VCP: variants seen among roughly 807,000 people sequenced by gnomAD.
VCP encodes transitional endoplasmic reticulum ATPase.
In VCP, 6 loss-of-function variants were observed where a neutral mutation model predicts 85.7. The ratio of observed to expected loss-of-function variants is 0.07; its 90% confidence interval spans 0.04 to 0.14. VCP has a LOEUF of 0.14. Ranked by LOEUF, VCP falls within the 10% of genes least tolerant of loss-of-function variation. The probability of loss-of-function intolerance (pLI) is 1.00; values close to 1 mark genes in which losing one functional copy is unlikely to be tolerated. For missense variants in VCP, 353 were observed against 1,043.4 expected, an observed-to-expected ratio of 0.34 and a Z score of 9.12; for synonymous variants, 384 against 367.1, an observed-to-expected ratio of 1.05 and a Z score of -0.53.
chr9:35,068,194 G>A, intron 2 of VCP, 57 bp downstream of exon 2: 1 of 1,607,344 alleles, frequency 6.2e-7, no homozygotes, highest in Non-Finnish European at 8.5e-7. Context: ...AAAGAAACCT[G>A]GGAAAATCCC....
chr9:35,068,984 A>G (rs546483047), intron 1 of VCP, among the ~76,000 whole-genome samples: 32 of 152,316 alleles, frequency 2.1e-4, no homozygotes, highest in African/African-American at 7.7e-4. Context: ...GGAATTAAGT[A>G]AGCCAGACAA....
At position 35,071,848 on chromosome 9, in the gene VCP, C is replaced by G. The variant is rs560570697; in HGVS notation, c.17+489G>C. The G allele has an allele frequency of 5.2e-5, 51 of 989,306 alleles. 1 individual carries two copies. In the Middle Eastern group the frequency reaches 1.6e-3, roughly 30 times the overall value. 61.3% of individuals were successfully genotyped at this position (989,306 alleles called of 1,614,324 possible). A position where few individuals can be genotyped will look rare whatever the true frequency, so the allele number is the denominator to read the frequency against. ...CCGACCCCGGGCTCCGCCTCGGTGGCAGAGCTCCTGAGGCCTTCACATGGC... is the reference window on the plus strand; with the variant it reads ...CCGACCCCGGGCTCCGCCTCGGTGGGAGAGCTCCTGAGGCCTTCACATGGC... On this transcript the variant is annotated intron_variant, in intron 1 of 16. Transcript: ENST00000358901.
In VCP at chr9:35,061,440, C is replaced by T. The variant is rs1185751254; in HGVS notation, c.1194+137G>A. The T allele has an allele frequency of 4.2e-6, 4 of 962,556 alleles. No homozygotes were observed. In the East Asian group the frequency reaches 9.7e-5, roughly 23 times the overall value. 59.6% of individuals were successfully genotyped at this position (962,556 alleles called of 1,614,324 possible). On this transcript the variant is annotated intron_variant, in intron 10 of 16. Transcript: ENST00000358901. ...AATGCCAACTCCCATTTCCTGGATTCAATCTCAGATTACTTCCTTTCCCCT... is the reference window on the plus strand; with the variant it reads ...AATGCCAACTCCCATTTCCTGGATTTAATCTCAGATTACTTCCTTTCCCCT...
intron 9 of VCP, 102 bp from the exon 10 acceptor site, chr9:35,061,791 A>G: frequency 7.3e-7 from 1 of 1,373,362 alleles, no homozygotes; most frequent in East Asian, 2.3e-5. Flanking sequence ...GGATTGTCCT[A>G]ATGCCAGCAC....
Position 35,063,113 on chromosome 9 carries a change from C to T in VCP, c.709-33G>A, listed in dbSNP as rs758455599. ...CCAATGCAGAGTGTGATTAGGTTCC[C>T]ACCTTCTCCCAAACCCTAAAATGGC... is the stretch of plus-strand genomic sequence containing the variant. On this transcript the variant is annotated intron_variant, in intron 6 of 16. Coordinates refer to ENST00000358901, the MANE Select transcript of VCP (RefSeq NM_007126.5). 5 of 1,606,182 alleles carry T rather than the reference C, an allele frequency of 3.1e-6. No individual in the cohort carries two copies. The South Asian group carries it at 5.5e-5, about 18-fold the overall frequency.
At chr9:35,066,383 T>C (rs1238829105) in intron 4 of VCP, among the ~76,000 whole-genome samples, 1 of 149,196 alleles carries the variant, frequency 6.7e-6, no homozygotes, top group Non-Finnish European at 1.5e-5. Flanking sequence ...TGCCTCAGCC[T>C]CCCAGGTAGC....
Position 35,059,834 on chromosome 9 carries a change from C to T in VCP, c.1696-33G>A. On this transcript the variant is annotated intron_variant, in intron 13 of 16. Transcript: ENST00000358901. The surrounding 1 kb of genome is among the most constrained non-coding windows in gnomAD (Gnocchi z 4.9). ...AGGAATGGATTGATTCAAGCACTAA[C>T]AAAACTAGATGTCTCTAGGCAAACG... 1 of 1,613,958 alleles carries T rather than the reference C, an allele frequency of 6.2e-7. No homozygotes were observed. Among genetic ancestry groups the T allele is most frequent in the Non-Finnish European group, 8.5e-7 (1 of 1,179,922 alleles).
rs1202389474 is a variant in VCP, at chr9:35,059,126, G to A, written c.2098C>T (p.Arg700Cys). Residue 700 changes from arginine (R) to cysteine (C), a missense_variant, in exon 15 of 17, where the codon CGT (arginine) becomes TGT (cysteine). By Grantham distance (180) the Arg-to-Cys change is radical. This residue lies in a region of VCP where 93 missense variants were observed against 197.1 expected (regional missense o/e 0.47). Transcript: ENST00000358901. This position sits in a 1 kb window ranked among gnomAD's most constrained non-coding sequence, Gnocchi z 4.9. The stretch of plus-strand genomic sequence containing the variant: ...CTAATCTCACTCTCGATGGATTCAC[G>A]GATGGCCAGCTTGCAAGCACGCTGG... ...ICQRACKLAI[R>C]ESIESEIRRE... 6.2e-7 allele frequency: 1 copy of A among 1,613,924 alleles called. No individual in the cohort carries two copies. The highest frequency in any genetic ancestry group is 2.2e-5 in the East Asian group (1 of 44,884).
chr9:35,072,287 T>C, intron 1 of VCP, 50 bp downstream of exon 1: 4 of 1,482,610 alleles, frequency 2.7e-6, no homozygotes, highest in Non-Finnish European at 3.6e-6. Flanking sequence ...CCTGCGCGGC[T>C]GGTCCCGGTG....
chr9:35,071,727 C>T, intron 1 of VCP: 1 of 986,612 alleles, frequency 1.0e-6, no homozygotes, highest in Non-Finnish European at 1.2e-6. Context: ...CAGTCCTTCA[C>T]GACTCAGGTC....
intron 5 of VCP, 100 bp downstream of exon 5, chr9:35,065,151 A>C: frequency 6.4e-7 from 1 of 1,569,198 alleles, no homozygotes; most frequent in East Asian, 2.2e-5. Flanking sequence ...TACAGGTGTC[A>C]GCCACCGCAG....
intron 4 of VCP, among the ~76,000 whole-genome samples, chr9:35,065,829 T>C (rs927466268): frequency 1.3e-5 from 2 of 152,098 alleles, no homozygotes; most frequent in African/African-American, 2.4e-5. Context: ...GTAAGACATA[T>C]GAATATGTGT....
intron 5 of VCP, 27 bp from the exon 6 acceptor site, chr9:35,064,312 A>C (rs1255045413): frequency 1.2e-6 from 2 of 1,613,078 alleles, no homozygotes; most frequent in Non-Finnish European, 1.7e-6. Context: ...TAAAGAAAGG[A>C]GAAGGCAAGA....
Position 35,072,437 on chromosome 9 carries a change from C to T in VCP, c.-84G>A, listed in dbSNP as rs1017031877. On this transcript the variant is annotated 5_prime_UTR_variant, in exon 1 of 17. Coordinates refer to ENST00000358901, the MANE Select transcript of VCP (RefSeq NM_007126.5). ...TGGCAAGCGACCGACTGGGCCGGGGCTCGGCTCTTCCAGGCGGTGGGCGAG... is the reference window on the plus strand; with the variant it reads ...TGGCAAGCGACCGACTGGGCCGGGGTTCGGCTCTTCCAGGCGGTGGGCGAG... 2.9e-5 allele frequency: 40 copies of T among 1,402,864 alleles called. No homozygotes were observed. The Admixed American group carries it at 4.4e-4, about 15-fold the overall frequency. 86.9% of individuals were successfully genotyped at this position (1,402,864 alleles called of 1,614,324 possible).
At chr9:35,065,159 C>T in intron 5 of VCP, 92 bp downstream of exon 5, 11 of 1,594,538 alleles carry the variant, frequency 6.9e-6, no homozygotes, top group Non-Finnish European at 9.4e-6. Context: ...TCAGCCACCG[C>T]AGCCGGCCGA....
At chr9:35,068,406 G>A (rs377702365) in intron 1 of VCP, 44 bp from the exon 2 acceptor site, 295 of 1,522,604 alleles carry the variant, frequency 1.9e-4, no homozygotes, top group Non-Finnish European at 2.5e-4. Flanking sequence ...TGCCCCAAGC[G>A]CCTCGCCAGT....
rs765865935 is a variant in VCP at position 35,063,030 on chromosome 9, C to G, written c.759G>C (p.Leu253=). The change falls in exon 7 of 17, where the codon CTG becomes CTC. Residue 253 remains leucine, a synonymous_variant. Transcript: ENST00000358901. The stretch of plus-strand genomic sequence containing the variant: ...TCTCATTTGCTACAGCTCGAGCAAT[C>G]AGGGTCTTTCCTGTTCCAGGAGGTC... The part of the protein sequence containing the change: ...LYGPPGTGKT[L]IARAVANETG... 3 of 1,613,934 alleles carry G rather than the reference C, an allele frequency of 1.9e-6. No individual in the cohort carries two copies. Among genetic ancestry groups the G allele is most frequent in the Admixed American group, 1.7e-5 (1 of 59,982 alleles).
Position 35,063,108 on chromosome 9 carries a change from G to T in VCP, c.709-28C>A, listed in dbSNP as rs778838414. 1.1e-5 allele frequency: 17 copies of T among 1,609,028 alleles called. No individual in the cohort carries two copies. The South Asian group carries it at 1.5e-4, about 15-fold the overall frequency. On this transcript the variant is annotated intron_variant, in intron 6 of 16. Transcript: ENST00000358901. Reference sequence around the variant, plus strand: ...GTGGACCAATGCAGAGTGTGATTAGGTTCCCACCTTCTCCCAAACCCTAAA... The same window carrying T: ...GTGGACCAATGCAGAGTGTGATTAGTTTCCCACCTTCTCCCAAACCCTAAA...
chr9:35,058,382 T>TGA (rs1402563191), intron 15 of VCP, among the ~76,000 whole-genome samples: 1 of 152,218 alleles, frequency 6.6e-6, no homozygotes. Context: ...TTATGGAACT[T>TGA]ACAAACACAT....
Sources: allele counts gnomAD v4.1 joint callset (sites outside exome capture counted in the v4.1 genomes callset), GRCh38; gene constraint gnomAD v4.1.1; regional missense constraint gnomAD v4.1.1; non-coding constraint Gnocchi (gnomAD v3.1); transcripts MANE v1.5; gene names NCBI Gene and HGNC (gene_info 2026-07-23, HGNC 2026-07-21).